Variants in PTCD2 observed in about 807,000 individuals in gnomAD.
The protein encoded by PTCD2 is pentatricopeptide repeat domain 2.
Under a neutral mutation model 42.6 loss-of-function variants are expected in PTCD2, and 31 were observed. The ratio of observed to expected loss-of-function variants is 0.73; its 90% CI spans 0.55 to 0.98. PTCD2 has a LOEUF of 0.98. Ranked by LOEUF, PTCD2 falls within the 50% of genes least tolerant of loss-of-function variation. The probability of loss-of-function intolerance (pLI) is 0.00; values close to 1 mark genes in which losing one functional copy is unlikely to be tolerated. For synonymous variants in PTCD2, 183 were observed against 170.9 expected (o/e 1.07, Z -0.55); for missense variants, 476 against 454.8 (o/e 1.05, Z -0.42).
intron 9 of PTCD2, among the ~76,000 whole-genome samples, chr5:72,357,577 A>AAT (rs1466108793): frequency 6.6e-6 from 1 of 152,092 alleles, no homozygotes; most frequent in Non-Finnish European, 1.5e-5. Flanking sequence ...CTTATTGTGG[A>AAT]ATATATATAA....
chr5:72,334,888 A>G (rs1751646134), intron 4 of PTCD2, 130 bp from the exon 5 acceptor site: 3 of 627,840 alleles, frequency 4.8e-6, no homozygotes, highest in African/African-American at 3.9e-5. Context: ...AAAATATATT[A>G]GAGAATTCAG....
chr5:72,340,819 A>G (rs1179152705), intron 7 of PTCD2, among the ~76,000 whole-genome samples: 1 of 151,954 alleles, frequency 6.6e-6, no homozygotes, highest in Non-Finnish European at 1.5e-5. Context: ...GAAATCTAGT[A>G]TGGAATGTGG....
intron 8 of PTCD2, among the ~76,000 whole-genome samples, chr5:72,344,610 T>C (rs1186975159): frequency 1.3e-5 from 2 of 152,156 alleles, no homozygotes; most frequent in Non-Finnish European, 2.9e-5. Flanking sequence ...TCCTTTGATC[T>C]GAAACAGTAA....
intron 2 of PTCD2, 126 bp downstream of exon 2, chr5:72,322,390 T>C: frequency 1.5e-6 from 1 of 667,576 alleles, no homozygotes; most frequent in Non-Finnish European, 2.7e-6. Flanking sequence ...CCATTTATTG[T>C]TAGTTTCATA....
rs139834095 is a variant in PTCD2, at chr5:72,355,475, C to T, written c.942+2721C>T. ...AAGTTTTGAAAGTGAAAGTGAGGGACGGAAACATGAGTTCTCCGAATGTAC... is the reference window on the plus strand; with the variant it reads ...AAGTTTTGAAAGTGAAAGTGAGGGATGGAAACATGAGTTCTCCGAATGTAC... On this transcript the variant is annotated intron_variant, in intron 9 of 9. Transcript: ENST00000380639. 5.1e-3 allele frequency among the ~76,000 whole-genome samples: 777 copies of T among 152,110 alleles called. 8 individuals are homozygous for T. The highest frequency in any genetic ancestry group is 0.017 in the African/African-American group (686 of 41,516).
intron 6 of PTCD2, among the ~76,000 whole-genome samples, chr5:72,336,307 T>C (rs1751737726): frequency 6.6e-6 from 1 of 152,210 alleles, no homozygotes; most frequent in African/African-American, 2.4e-5. Context: ...GAAGTGATGT[T>C]TGTCACCTCC....
chr5:72,333,377 AT>A (rs966283387), intron 4 of PTCD2, among the ~76,000 whole-genome samples: 7 of 151,894 alleles, frequency 4.6e-5, no homozygotes, highest in Non-Finnish European at 1.0e-4. Context: ...TGAAATTAAT[AT>A]TTTTTTTCAC....
At chr5:72,326,280 C>T (rs894144589) in intron 2 of PTCD2, among the ~76,000 whole-genome samples, 4 of 152,326 alleles carry the variant, frequency 2.6e-5, no homozygotes, top group African/African-American at 7.2e-5. Context: ...TGAGCCAAGC[C>T]TCTGGAACAG....
At position 72,344,064 on chromosome 5, in the gene PTCD2, G is replaced by A. The variant is rs1009238774; in HGVS notation, c.828+1028G>A. On this transcript the variant is annotated intron_variant, in intron 8 of 9. Coordinates refer to ENST00000380639, the MANE Select transcript of PTCD2 (RefSeq NM_024754.5). ...TATTCCAAGATGAGTAGATGAAGGG[G>A]GTCGGGTTGGCCGGCAGGAGCAACG... Among the ~76,000 whole-genome samples, 18 of 152,342 alleles carry A rather than the reference G, an allele frequency of 1.2e-4. 1 individual carries two copies. The South Asian group carries it at 3.5e-3, about 30-fold the overall frequency.
At chr5:72,350,455 T>C (rs550057972) in intron 8 of PTCD2, among the ~76,000 whole-genome samples, 2 of 152,326 alleles carry the variant, frequency 1.3e-5, no homozygotes, top group African/African-American at 2.4e-5. Context: ...AAATCTCTTA[T>C]AATGGCCAGT....
In PTCD2 at chr5:72,364,538, C is replaced by A. The variant is rs187554942; in HGVS notation, c.*6111C>A. Reference sequence around the variant, plus strand: ...AGTATTCTACATTTGTTTTATATGACCCCAAGGTGCTTATGTAGCATATTA... The same window carrying A: ...AGTATTCTACATTTGTTTTATATGAACCCAAGGTGCTTATGTAGCATATTA... On this transcript the variant is annotated 3_prime_UTR_variant, in exon 10 of 10. Coordinates refer to ENST00000380639, the MANE Select transcript of PTCD2 (RefSeq NM_024754.5). The A allele has an allele frequency of 6.6e-6, 1 of 152,298 alleles. No individual in the cohort carries two copies. Among genetic ancestry groups the A allele is most frequent in the East Asian group, 1.9e-4 (1 of 5,188 alleles). The allele number at this position is 152,298 out of a possible 1,614,324, so 9.4% of individuals were successfully genotyped here.
chr5:72,350,531 A>G (rs983523061), intron 8 of PTCD2, among the ~76,000 whole-genome samples: 1 of 152,338 alleles, frequency 6.6e-6, no homozygotes, highest in Admixed American at 6.5e-5. Context: ...CCTTGAAAAG[A>G]TAGTCTGGAA....
chr5:72,358,529 C>A lies in PTCD2; in HGVS notation c.*102C>A. 1 of 799,476 alleles carries A rather than the reference C, an allele frequency of 1.3e-6. No homozygotes were observed. The highest frequency in any genetic ancestry group is 2.1e-6 in the Non-Finnish European group (1 of 486,336). 49.5% of individuals were successfully genotyped at this position (799,476 alleles called of 1,614,324 possible). A position where few individuals can be genotyped will look rare whatever the true frequency, so the allele number is the denominator to read the frequency against. On this transcript the variant is annotated 3_prime_UTR_variant, in exon 10 of 10. Coordinates refer to ENST00000380639, the MANE Select transcript of PTCD2 (RefSeq NM_024754.5). ...CGCACTTCAGCAGACAGTGTGCTGA[C>A]ACTTGGTCTTCTCCTGAAATTCCCA...
chr5:72,338,904 C>A (rs1473893661), intron 7 of PTCD2, among the ~76,000 whole-genome samples, 169 bp downstream of exon 7: 1 of 152,190 alleles, frequency 6.6e-6, no homozygotes, highest in Non-Finnish European at 1.5e-5. Flanking sequence ...CCTATACCCA[C>A]AAAGAATGAT....
intron 9 of PTCD2, among the ~76,000 whole-genome samples, chr5:72,357,137 A>G (rs938276054): frequency 1.3e-5 from 2 of 152,124 alleles, no homozygotes; most frequent in African/African-American, 2.4e-5. Flanking sequence ...ATATCCAACA[A>G]CGTTCTAGAC....
At position 72,366,548 on chromosome 5, in the gene PTCD2, C is replaced by G. The variant is rs1427349567; in HGVS notation, c.*8121C>G. On this transcript the variant is annotated 3_prime_UTR_variant, in exon 10 of 10. Coordinates refer to ENST00000380639, the MANE Select transcript of PTCD2 (RefSeq NM_024754.5). ...GTCAGTAGCAGAGCTGAAGAACTTACAATAGACGGCAGAGGGCGTCCAGAG... is the reference window on the plus strand; with the variant it reads ...GTCAGTAGCAGAGCTGAAGAACTTAGAATAGACGGCAGAGGGCGTCCAGAG... 6.6e-6 allele frequency: 1 copy of G among 152,210 alleles called. No individual in the cohort carries two copies. Among genetic ancestry groups the G allele is most frequent in the South Asian group, 2.1e-4 (1 of 4,836 alleles). The allele number at this position is 152,210 out of a possible 1,614,324, so 9.4% of individuals were successfully genotyped here.
chr5:72,337,338 T>G (rs983238652), intron 6 of PTCD2, among the ~76,000 whole-genome samples: 2 of 152,020 alleles, frequency 1.3e-5, no homozygotes, highest in Non-Finnish European at 2.9e-5. Context: ...GACCTCTGGA[T>G]TCAATAATTC....
At chr5:72,338,566 A>G in intron 6 of PTCD2, 56 bp from the exon 7 acceptor site, 1 of 904,992 alleles carries the variant, frequency 1.1e-6, no homozygotes, top group Non-Finnish European at 1.7e-6. Flanking sequence ...ACTATTAATC[A>G]TTTTATTGAA....
At chr5:72,351,650 A>G (rs1752626807) in intron 8 of PTCD2, among the ~76,000 whole-genome samples, 1 of 152,180 alleles carries the variant, frequency 6.6e-6, no homozygotes, top group Admixed American at 6.5e-5. Flanking sequence ...GCAGCAGGAA[A>G]GGGAGAGAGC....
Sources: allele counts gnomAD v4.1 joint callset (sites outside exome capture counted in the v4.1 genomes callset), GRCh38; gene constraint gnomAD v4.1.1; transcripts MANE v1.5; gene names NCBI Gene and HGNC (gene_info 2026-07-23, HGNC 2026-07-21).